CLVS1: variants seen among roughly 807,000 people sequenced by gnomAD.
CLVS1 encodes clavesin-1.
A neutral mutation model predicts 33.1 loss-of-function variants in CLVS1; 10 were observed. The ratio of observed to expected loss-of-function variants is 0.30; its 90% CI spans 0.19 to 0.51. The LOEUF is 0.51. Among genes scored for constraint, CLVS1 ranks in the 20% least tolerant of loss-of-function variants. The probability of loss-of-function intolerance (pLI) is 0.97; values close to 1 mark genes in which losing one functional copy is unlikely to be tolerated. For synonymous variants in CLVS1, 163 were observed against 166.1 expected, an observed-to-expected ratio of 0.98 and a Z score of 0.14; for missense variants, 343 against 433.4, an observed-to-expected ratio of 0.79 and a Z score of 1.85.
At chr8:61,479,161 T>C (rs1049614846) in intron 5 of CLVS1, among the ~76,000 whole-genome samples, 1 of 152,236 alleles carries the variant, frequency 6.6e-6, no homozygotes, top group African/African-American at 2.4e-5. Context: ...TCCTGGATAA[T>C]ATTCTGAAGA....
chr8:61,069,172 T>G (rs1404754501), intron 1 of CLVS1, among the ~76,000 whole-genome samples: 2 of 152,154 alleles, frequency 1.3e-5, no homozygotes, highest in African/African-American at 4.8e-5. Context: ...TTCACCATGT[T>G]GGTCAGCCTG....
intron 2 of CLVS1, among the ~76,000 whole-genome samples, chr8:61,248,694 C>T (rs1176143667): frequency 6.6e-6 from 1 of 151,852 alleles, no homozygotes; most frequent in Non-Finnish European, 1.5e-5. Context: ...ATATTTTATT[C>T]AGTCTGTAGA....
chr8:61,068,642 C>T (rs1026237270), intron 1 of CLVS1, among the ~76,000 whole-genome samples: 9 of 152,142 alleles, frequency 5.9e-5, no homozygotes, highest in Non-Finnish European at 1.0e-4. Context: ...CATCAGTGTG[C>T]TTTCTGGTAA....
intron 2 of CLVS1, among the ~76,000 whole-genome samples, chr8:61,213,688 A>G (rs1340101890): frequency 6.6e-6 from 1 of 152,094 alleles, no homozygotes; most frequent in Non-Finnish European, 1.5e-5. Flanking sequence ...AGGAGGATGT[A>G]TGTTGCCTCA....
At chr8:60,975,494 A>T in the CLVS1 span, among the ~76,000 whole-genome samples, 13 of 152,274 alleles carry the variant, frequency 8.5e-5, no homozygotes, top group African/African-American at 3.1e-4. Context: ...ACACAGAGGA[A>T]CAGGTCAGGT....
At position 61,241,759 on chromosome 8, in the gene CLVS1, G is replaced by A. The variant is rs117924423; in HGVS notation, c.-151-57918G>A. 2.1e-4 allele frequency among the ~76,000 whole-genome samples: 32 copies of A among 152,258 alleles called. No homozygotes were observed. In the East Asian group the frequency reaches 5.8e-3, roughly 28 times the overall value. On this transcript the variant is annotated intron_variant, in intron 2 of 2. Coordinates refer to the CLVS1 transcript ENST00000522621. The stretch of plus-strand genomic sequence containing the variant: ...TTATGCAAATATTTACCATTTCCGA[G>A]TCCTTTTATTTCTAAGATCTGAGTT...
At chr8:61,347,320 G>C (rs532654582) in intron 2 of CLVS1, among the ~76,000 whole-genome samples, 1 of 152,222 alleles carries the variant, frequency 6.6e-6, no homozygotes, top group South Asian at 2.1e-4. Flanking sequence ...TTCCTGCAGA[G>C]ATGAAGATGA....
intron 2 of CLVS1, among the ~76,000 whole-genome samples, chr8:61,207,016 TCA>T (rs1401028219): frequency 6.6e-6 from 1 of 152,208 alleles, no homozygotes; most frequent in Non-Finnish European, 1.5e-5. Flanking sequence ...CCCATCTCTA[TCA>T]GTCAGGAGAC....
intron 3 of CLVS1, among the ~76,000 whole-genome samples, chr8:61,442,815 G>T (rs1343829738): frequency 2.0e-5 from 3 of 152,098 alleles, no homozygotes; most frequent in Non-Finnish European, 4.4e-5. Context: ...GGCCAGACTG[G>T]TCTCAAACTC....
At chr8:61,184,664 T>A (rs1472526428) in intron 2 of CLVS1, among the ~76,000 whole-genome samples, 1 of 152,056 alleles carries the variant, frequency 6.6e-6, no homozygotes, top group African/African-American at 2.4e-5. Context: ...TCATTATCTT[T>A]CCCTGCACCC....
chr8:61,193,967 T>A (rs978255802), intron 2 of CLVS1, among the ~76,000 whole-genome samples: 1 of 152,092 alleles, frequency 6.6e-6, no homozygotes, highest in African/African-American at 2.4e-5. Flanking sequence ...TAAGTACTTG[T>A]AATGTCTTGG....
chr8:61,416,309 CA>C (rs1815432721), intron 3 of CLVS1, among the ~76,000 whole-genome samples: 1 of 100,994 alleles, frequency 9.9e-6, no homozygotes, highest in South Asian at 2.5e-4. Context: ...TAGCTAGATA[CA>C]TACATACATA....
At chr8:60,992,234 A>T in the CLVS1 span, among the ~76,000 whole-genome samples, 2 of 151,960 alleles carry the variant, frequency 1.3e-5, no homozygotes, top group Non-Finnish European at 2.9e-5. Flanking sequence ...TATATTTTTT[A>T]CTCATCTGTA....
At chr8:61,227,093 G>T (rs562357726) in intron 2 of CLVS1, among the ~76,000 whole-genome samples, 6 of 151,658 alleles carry the variant, frequency 4.0e-5, no homozygotes, top group African/African-American at 7.3e-5. Flanking sequence ...TAGTTGGAAG[G>T]CACACTACAA....
Position 61,273,377 on chromosome 8 carries a change from A to T in CLVS1, c.-151-26300A>T, listed in dbSNP as rs571879243. Among the ~76,000 whole-genome samples, 9 of 151,816 alleles carry T rather than the reference A, an allele frequency of 5.9e-5. 1 individual carries two copies. Among genetic ancestry groups the T allele is most frequent in the African/African-American group, 2.2e-4 (9 of 41,332 alleles). On this transcript the variant is annotated intron_variant, in intron 2 of 2. Transcript: ENST00000522621. The stretch of plus-strand genomic sequence containing the variant: ...AGATCTCCAGCTGCGTGCTGGGAGA[A>T]CCACTGCTCTCTTCAAAGCTGTCAG...
intron 2 of CLVS1, among the ~76,000 whole-genome samples, chr8:61,143,226 C>T (rs7830295): frequency 0.34 from 51,537 of 152,004 alleles, 9,720 homozygotes; most frequent in East Asian, 0.64. Flanking sequence ...TGAGGCTAGA[C>T]AGGTAGAGTC....
chr8:61,089,712 G>A (rs1475058745), intron 1 of CLVS1, among the ~76,000 whole-genome samples: 2 of 151,762 alleles, frequency 1.3e-5, no homozygotes, highest in African/African-American at 4.8e-5. Context: ...TGAGGCCAGT[G>A]GTATGAGACT....
At chr8:61,437,197 G>C (rs112172518) in intron 3 of CLVS1, among the ~76,000 whole-genome samples, 3,875 of 152,268 alleles carry the variant, frequency 0.025, 69 homozygotes, top group Non-Finnish European at 0.039. Context: ...TAAGCTCTCT[G>C]GGTGTGGTGA....
intron 2 of CLVS1, among the ~76,000 whole-genome samples, chr8:61,193,144 G>T (rs1167773499): frequency 6.6e-6 from 1 of 152,140 alleles, no homozygotes; most frequent in Non-Finnish European, 1.5e-5. Context: ...TGATAGACTG[G>T]ATTAAGAAAA....
Sources: allele counts gnomAD v4.1 joint callset (sites outside exome capture counted in the v4.1 genomes callset), GRCh38; gene constraint gnomAD v4.1.1; transcripts MANE v1.5; gene names NCBI Gene and HGNC (gene_info 2026-07-23, HGNC 2026-07-21).